Variants in IST1 observed in about 807,000 individuals in gnomAD.
IST1 encodes IST1 homolog.
Under a neutral mutation model 37.0 loss-of-function variants are expected in IST1, and 23 were observed. The ratio of observed to expected loss-of-function variants is 0.62; its 90% CI spans 0.45 to 0.88. IST1 has a LOEUF of 0.88. Among genes scored for constraint, IST1 ranks in the 40% least tolerant of loss-of-function variants. IST1 has a pLI of 0.00. For missense variants in IST1, 488 were observed against 445.4 expected, an observed-to-expected ratio of 1.10 and a Z score of -0.86; for synonymous variants, 180 against 161.7, an observed-to-expected ratio of 1.11 and a Z score of -0.86.
chr16:71,906,707 C>T (rs2142541320), intron 1 of IST1, among the ~76,000 whole-genome samples: 1 of 152,162 alleles, frequency 6.6e-6, no homozygotes, highest in East Asian at 1.9e-4. Flanking sequence ...GGGATATTTT[C>T]CCTGGATATA....
intron 1 of IST1, among the ~76,000 whole-genome samples, chr16:71,912,282 G>C (rs1398339342): frequency 2.0e-5 from 3 of 151,976 alleles, no homozygotes; most frequent in Non-Finnish European, 2.9e-5. Context: ...CTGTCACTCA[G>C]GCTGGAGTGC....
At chr16:71,894,819 G>A, upstream of IST1, 1 of 1,533,592 alleles carries the variant, frequency 6.5e-7, no homozygotes, top group African/African-American at 1.4e-5. Flanking sequence ...GTCCCTTCCA[G>A]GCTTAAGCAG....
rs1447245515 is a variant in IST1 at position 71,898,369 on chromosome 16, A to AG, written c.-16+2781dup. ...TGGTGACAGAGACACTCTCTCTCTCAGAAAAAAAAAAAAAAAAAAGAAACT... is the reference window on the plus strand; with the variant it reads ...TGGTGACAGAGACACTCTCTCTCTCAGGAAAAAAAAAAAAAAAAAAGAAACT... On this transcript the variant is annotated intron_variant, in intron 1 of 9. Transcript: ENST00000378799. Among the ~76,000 whole-genome samples, 35 of 88,560 alleles carry AG rather than the reference A, an allele frequency of 4.0e-4. No homozygotes were observed. In the Middle Eastern group the frequency reaches 0.021, roughly 54 times the overall value. 58.1% of individuals were successfully genotyped at this position (88,560 alleles called of 152,430 possible).
chr16:71,896,513 CCCTT>C (rs1252462372), intron 1 of IST1, among the ~76,000 whole-genome samples: 1 of 152,056 alleles, frequency 6.6e-6, no homozygotes, highest in Non-Finnish European at 1.5e-5. Flanking sequence ...TTTATCTATA[CCCTT>C]CCTATGTCTG....
intron 1 of IST1, among the ~76,000 whole-genome samples, chr16:71,904,856 A>G (rs1324062602): frequency 6.6e-6 from 1 of 152,024 alleles, no homozygotes; most frequent in African/African-American, 2.4e-5. Context: ...CTGTCTTTTA[A>G]TTGTGTTTAT....
chr16:71,898,914 G>A (rs1179518054), intron 1 of IST1, among the ~76,000 whole-genome samples: 2 of 149,128 alleles, frequency 1.3e-5, no homozygotes, highest in African/African-American at 2.5e-5. Context: ...GCAGTGAGCC[G>A]AGATGGCACC....
rs117862735 is a variant in IST1 at position 71,918,340 on chromosome 16, A to G, written c.357+1206A>G. Among the ~76,000 whole-genome samples, 150 of 151,352 alleles carry G rather than the reference A, an allele frequency of 9.9e-4. 4 individuals carry two copies. In the East Asian group the frequency reaches 0.023, roughly 23 times the overall value. ...CCAGAGAATAAACTTCCAATAGTCC[A>G]ATAGGGTACCAGGGATAGTAATTGA... On this transcript the variant is annotated intron_variant, in intron 4 of 9. Coordinates refer to ENST00000378799, the MANE Select transcript of IST1 (RefSeq NM_001270975.2).
In IST1 at chr16:71,927,786, G is replaced by T. The variant is rs772488054; in HGVS notation, c.1074G>T (p.Arg358Ser). 6.2e-7 allele frequency: 1 copy of T among 1,614,084 alleles called. No individual in the cohort carries two copies. Among genetic ancestry groups the T allele is most frequent in the South Asian group, 1.1e-5 (1 of 91,078 alleles). The change falls in exon 10 of 10, where the codon AGG becomes AGT. Residue 358 changes from arginine to serine, a missense_variant. Arg to Ser is a moderately radical substitution (Grantham distance 110). This residue lies in a region of IST1 where 455 missense variants were observed against 386.2 expected (regional missense o/e 1.18). Transcript: ENST00000378799. ...EDIDFDDLSRRFEELKKKT is the reference protein window; with the variant it reads ...EDIDFDDLSRSFEELKKKT The stretch of plus-strand genomic sequence containing the variant: ...TTGACTTTGATGATCTTTCCCGGAG[G>T]TTTGAAGAGCTGAAAAAGAAAACAT...
At chr16:71,895,932 G>C (rs2036957872) in intron 1 of IST1, among the ~76,000 whole-genome samples, 1 of 152,218 alleles carries the variant, frequency 6.6e-6, no homozygotes, top group Non-Finnish European at 1.5e-5. Flanking sequence ...GCCTCGGCGA[G>C]GGCTCCTCGG....
chr16:71,894,982 C>A, upstream of IST1: 1 of 692,350 alleles, frequency 1.4e-6, no homozygotes, highest in South Asian at 1.7e-5. Flanking sequence ...GTCCAAAGGG[C>A]AACCGGACGG....
In IST1 at chr16:71,917,011, T is replaced by A. The variant is rs1435272026; in HGVS notation, c.270-36T>A. ...AAAGCTAGGATTTTGTTGGTTTGTT[T>A]TAAAGAATGTTATATTAATTTTTTT... is the stretch of plus-strand genomic sequence containing the variant. On this transcript the variant is annotated intron_variant, in intron 3 of 9. Coordinates refer to ENST00000378799, the MANE Select transcript of IST1 (RefSeq NM_001270975.2). 3 of 1,402,220 alleles carry A rather than the reference T, an allele frequency of 2.1e-6. No homozygotes were observed. The East Asian group carries it at 6.9e-5, about 32-fold the overall frequency. 86.9% of individuals were successfully genotyped at this position (1,402,220 alleles called of 1,614,324 possible).
At chr16:71,920,571 G>A (rs936545347) in intron 4 of IST1, among the ~76,000 whole-genome samples, 168 bp from the exon 5 acceptor site, 1 of 152,196 alleles carries the variant, frequency 6.6e-6, no homozygotes, top group Admixed American at 6.5e-5. Context: ...TGGATGGATG[G>A]ATGGATGGAT....
At position 71,930,246 on chromosome 16, in the gene IST1, G is replaced by A; in HGVS notation, c.*2433G>A. 1 of 1,441,728 alleles carries A rather than the reference G, an allele frequency of 6.9e-7. No individual in the cohort carries two copies. Among genetic ancestry groups the A allele is most frequent in the Non-Finnish European group, 9.2e-7 (1 of 1,085,606 alleles). 89.3% of individuals were successfully genotyped at this position (1,441,728 alleles called of 1,614,324 possible). ...TTTAGTTTATACTTTACAAACATAA[G>A]CTATATGCTAGTGTTTGGGATCTTA... On this transcript the variant is annotated 3_prime_UTR_variant, in exon 10 of 10. Coordinates refer to ENST00000378799, the MANE Select transcript of IST1 (RefSeq NM_001270975.2).
At chr16:71,916,311 C>G (rs1268733863) in intron 2 of IST1, 151 bp from the exon 3 acceptor site, 3 of 709,706 alleles carry the variant, frequency 4.2e-6, no homozygotes, top group Non-Finnish European at 7.0e-6. Context: ...GTAGCAAATT[C>G]TACAGTAGAG....
At chr16:71,907,024 C>T (rs948395756) in intron 1 of IST1, among the ~76,000 whole-genome samples, 58 of 151,294 alleles carry the variant, frequency 3.8e-4, no homozygotes, top group African/African-American at 1.3e-3. Flanking sequence ...AGTGAGACTC[C>T]GTCTCAAAAA....
chr16:71,922,913 GTTTACTGAATA>G, intron 7 of IST1: 1 of 577,552 alleles, frequency 1.7e-6, no homozygotes, highest in Non-Finnish European at 3.1e-6. Context: ...TTTCATATAG[GTTTACTGAATA>G]TCTTTGGGAT....
rs767239099 is a variant in IST1 at position 71,929,586 on chromosome 16, G to T, written c.*1773G>T. ...CAGTGTCACTGCCCACTGCTGTCGT[G>T]GCTGCTTGCTCAGATGAGGTTTTTT... On this transcript the variant is annotated 3_prime_UTR_variant, in exon 10 of 10. Transcript: ENST00000378799. 25 of 1,551,658 alleles carry T rather than the reference G, an allele frequency of 1.6e-5. No individual in the cohort carries two copies. Among genetic ancestry groups the T allele is most frequent in the Non-Finnish European group, 1.5e-5 (17 of 1,147,016 alleles).
At chr16:71,924,728 C>T in intron 8 of IST1, 41 bp from the exon 9 acceptor site, 1 of 1,478,678 alleles carries the variant, frequency 6.8e-7, no homozygotes, top group Non-Finnish European at 9.5e-7. Flanking sequence ...TCTCCAGTGA[C>T]ACTATTGCTG....
At chr16:71,897,454 T>A (rs2036999833) in intron 1 of IST1, among the ~76,000 whole-genome samples, 1 of 152,202 alleles carries the variant, frequency 6.6e-6, no homozygotes, top group Non-Finnish European at 1.5e-5. Context: ...CCATCTCTAG[T>A]TTGTTTGATT....
Sources: allele counts gnomAD v4.1 joint callset (sites outside exome capture counted in the v4.1 genomes callset), GRCh38; gene constraint gnomAD v4.1.1; regional missense constraint gnomAD v4.1.1; transcripts MANE v1.5; gene names NCBI Gene and HGNC (gene_info 2026-07-23, HGNC 2026-07-21).